The following CD86 variants were observed in gnomAD, a reference collection of about 807,000 sequenced individuals.
The protein encoded by CD86 is CD86 molecule, also known as T-lymphocyte activation antigen CD86.
CD86 carries 11 observed loss-of-function variants against 32.1 expected under a neutral mutation model. The observed-to-expected ratio is 0.34, with a 90% CI of 0.22 to 0.57. The LOEUF is 0.57. CD86 is among the 20% of genes least tolerant of loss of function. The pLI, the probability that CD86 is intolerant of heterozygous loss-of-function variation, is 0.86. For missense variants in CD86, 359 were observed against 398.4 expected, an observed-to-expected ratio of 0.90 and a Z score of 0.84; for synonymous variants, 137 against 135.3, an observed-to-expected ratio of 1.01 and a Z score of -0.09.
intron 1 of CD86, among the ~76,000 whole-genome samples, chr3:122,058,851 G>T (rs753423956): frequency 6.6e-6 from 1 of 152,256 alleles, no homozygotes; most frequent in South Asian, 2.1e-4. Context: ...GAGAAATGGC[G>T]AGGGCATGAA....
intron 1 of CD86, among the ~76,000 whole-genome samples, chr3:122,076,445 AAAC>A (rs2072556920): frequency 6.6e-6 from 1 of 152,232 alleles, no homozygotes; most frequent in Non-Finnish European, 1.5e-5. Flanking sequence ...GAACCCTTTC[AAAC>A]AACAGCAAAA....
chr3:122,101,690 A>G (rs1465271472), intron 2 of CD86, among the ~76,000 whole-genome samples: 1 of 151,898 alleles, frequency 6.6e-6, no homozygotes, highest in Admixed American at 6.6e-5. Context: ...CATCTGTCCT[A>G]TATTACATGA....
At chr3:122,098,544 G>A (rs2072945273) in intron 2 of CD86, among the ~76,000 whole-genome samples, 1 of 152,180 alleles carries the variant, frequency 6.6e-6, no homozygotes, top group South Asian at 2.1e-4. Flanking sequence ...AGTGTGAGGG[G>A]AAGGGATCTG....
chr3:122,074,698 TC>T (rs2072533500), intron 1 of CD86, among the ~76,000 whole-genome samples: 1 of 152,182 alleles, frequency 6.6e-6, no homozygotes, highest in African/African-American at 2.4e-5. Flanking sequence ...CAGGGGACTC[TC>T]TCTGGTGAAG....
chr3:122,070,804 C>T (rs2072478362), intron 1 of CD86, among the ~76,000 whole-genome samples: 1 of 152,074 alleles, frequency 6.6e-6, no homozygotes, highest in Admixed American at 6.6e-5. Flanking sequence ...GCATTGATTC[C>T]AAGGGTGCAA....
At chr3:122,081,523 T>C (rs945563921) in intron 1 of CD86, among the ~76,000 whole-genome samples, 7 of 152,184 alleles carry the variant, frequency 4.6e-5, no homozygotes, top group African/African-American at 1.7e-4. Flanking sequence ...GGAAGAATTA[T>C]TGGAAGCTTG....
chr3:122,066,157 C>T (rs2072409820), intron 1 of CD86, among the ~76,000 whole-genome samples: 1 of 152,132 alleles, frequency 6.6e-6, no homozygotes, highest in South Asian at 2.1e-4. Context: ...CAGTCAAGAA[C>T]CATTCAGTTT....
At chr3:122,101,513 A>AAAAAT (rs1202377219) in intron 2 of CD86, among the ~76,000 whole-genome samples, 19 of 46,338 alleles carry the variant, frequency 4.1e-4, no homozygotes, top group African/African-American at 1.1e-3. Context: ...AAAAAAAAAA[A>AAAAAT]ATATATATAT....
intron 1 of CD86, among the ~76,000 whole-genome samples, chr3:122,059,660 G>C (rs1180508332): frequency 6.6e-6 from 1 of 152,178 alleles, no homozygotes; most frequent in Non-Finnish European, 1.5e-5. Flanking sequence ...GACATGAAAG[G>C]TAACTGTAGT....
intron 2 of CD86, among the ~76,000 whole-genome samples, chr3:122,102,406 CTTTTT>C (rs1011413952): frequency 1.5e-3 from 87 of 56,132 alleles, no homozygotes; most frequent in Non-Finnish European, 1.8e-3. Context: ...CCACTGCTTA[CTTTTT>C]TTTTTTTTTT....
intron 1 of CD86, among the ~76,000 whole-genome samples, chr3:122,074,719 G>C (rs1162674112): frequency 6.6e-6 from 1 of 152,126 alleles, no homozygotes; most frequent in Non-Finnish European, 1.5e-5. Context: ...GTTTGGTGAG[G>C]TCAACTTCCA....
intron 1 of CD86, among the ~76,000 whole-genome samples, chr3:122,070,437 C>T (rs1213605477): frequency 2.6e-5 from 4 of 152,092 alleles, no homozygotes; most frequent in African/African-American, 9.7e-5. Flanking sequence ...CATCCTACCC[C>T]ACCTCGGTAA....
chr3:122,117,090 G>A (rs1452929630), intron 5 of CD86, among the ~76,000 whole-genome samples: 2 of 152,004 alleles, frequency 1.3e-5, no homozygotes, highest in Non-Finnish European at 2.9e-5. Context: ...AGTTTTTGGG[G>A]AACAGATGGT....
intron 2 of CD86, among the ~76,000 whole-genome samples, chr3:122,093,516 A>C (rs917357463): frequency 3.3e-5 from 5 of 152,190 alleles, no homozygotes; most frequent in African/African-American, 7.2e-5. Flanking sequence ...CCTAGGCTAC[A>C]AGCCTGCACA....
At chr3:122,100,302 T>G (rs566916061) in intron 2 of CD86, among the ~76,000 whole-genome samples, 1 of 152,118 alleles carries the variant, frequency 6.6e-6, no homozygotes, top group Non-Finnish European at 1.5e-5. Flanking sequence ...TTGCTCAAAG[T>G]CCCCACAAAG....
intron 2 of CD86, among the ~76,000 whole-genome samples, chr3:122,101,511 AAAATAT>A (rs1178294950): frequency 2.4e-4 from 6 of 24,918 alleles, no homozygotes; most frequent in African/African-American, 7.7e-4. Context: ...AAAAAAAAAA[AAAATAT>A]ATATATATAT....
At chr3:122,117,457 G>T (rs1271098083) in intron 5 of CD86, among the ~76,000 whole-genome samples, 1 of 152,210 alleles carries the variant, frequency 6.6e-6, no homozygotes, top group Non-Finnish European at 1.5e-5. Flanking sequence ...CAACCTGTTG[G>T]AGTTTACGTG....
At position 122,095,476 on chromosome 3, in the gene CD86, C is replaced by A. The variant is rs540211619; in HGVS notation, c.64+3826C>A. 3.3e-5 allele frequency among the ~76,000 whole-genome samples: 5 copies of A among 152,182 alleles called. No individual in the cohort carries two copies. The South Asian group carries it at 6.2e-4, about 19-fold the overall frequency. ...GATTACAGACAGGCATGAGCCACTG[C>A]GCCCGGCCCACCTTAAGATTTATGT... On this transcript the variant is annotated intron_variant, in intron 2 of 6. Coordinates refer to ENST00000330540, the MANE Select transcript of CD86 (RefSeq NM_175862.5).
intron 1 of CD86, chr3:122,086,555 A>G (rs756692792): frequency 6.3e-6 from 3 of 472,818 alleles, no homozygotes; most frequent in Non-Finnish European, 1.3e-5. Flanking sequence ...TATGGCTTAG[A>G]TGGTCCACAG....
Sources: gnomAD v4.1 joint callset for allele counts (sites outside exome capture counted in the v4.1 genomes callset) on GRCh38, gnomAD v4.1.1 for gene constraint, MANE v1.5 for transcripts, NCBI Gene and HGNC (gene_info 2026-07-23, HGNC 2026-07-21) for gene names.